The following EYS variants were observed in gnomAD, a reference collection of about 807,000 sequenced individuals.
EYS encodes EGF-like photoreceptor maintenance factor, also known as protein eyes shut homolog.
Under a neutral mutation model 282.1 loss-of-function variants are expected in EYS, and 250 were observed. The observed-to-expected ratio is 0.89, with a 90% CI of 0.80 to 0.98. The LOEUF (loss-of-function observed/expected upper bound fraction) is 0.98. EYS is among the 50% of genes least tolerant of loss of function. The pLI, the probability that EYS is intolerant of heterozygous loss-of-function variation, is 0.00. For missense variants in EYS, 4,016 were observed against 3,709.0 expected (o/e 1.08, Z -2.15); for synonymous variants, 1,355 against 1,282.9 (o/e 1.06, Z -1.20).
At chr6:63,962,957 T>C (rs1027851290) in intron 35 of EYS, among the ~76,000 whole-genome samples, 22 of 152,190 alleles carry the variant, frequency 1.4e-4, no homozygotes, top group African/African-American at 5.3e-4. Flanking sequence ...ATGTCCTTTG[T>C]AGGGACATGG....
At chr6:64,644,735 A>G (rs1378143039) in intron 22 of EYS, among the ~76,000 whole-genome samples, 1 of 152,188 alleles carries the variant, frequency 6.6e-6, no homozygotes, top group Non-Finnish European at 1.5e-5. Flanking sequence ...AATTGATATA[A>G]ATGTATATTT....
At chr6:63,949,395 T>C (rs1006016251) in intron 35 of EYS, among the ~76,000 whole-genome samples, 4 of 152,146 alleles carry the variant, frequency 2.6e-5, no homozygotes, top group African/African-American at 4.8e-5. Context: ...GTACATGCAG[T>C]TCCTCTCTTT....
intron 19 of EYS, among the ~76,000 whole-genome samples, chr6:64,835,982 C>T (rs1446802290): frequency 3.3e-5 from 5 of 151,500 alleles, no homozygotes; most frequent in Non-Finnish European, 3.0e-5. Context: ...TCAAATGCCT[C>T]CCTTTCCTCC....
intron 23 of EYS, among the ~76,000 whole-genome samples, chr6:64,624,897 C>T (rs1767557525): frequency 6.6e-6 from 1 of 152,068 alleles, no homozygotes. Context: ...TCAAGTCCTG[C>T]TATGTTTCCC....
chr6:63,778,275 C>A, intron 39 of EYS, 95 bp from the exon 40 acceptor site: 3 of 1,257,222 alleles, frequency 2.4e-6, no homozygotes, highest in South Asian at 1.3e-5. Flanking sequence ...AGAAGTTTTT[C>A]AAAATAAAGT....
At chr6:64,528,391 G>A (rs892051540) in intron 26 of EYS, among the ~76,000 whole-genome samples, 2 of 151,622 alleles carry the variant, frequency 1.3e-5, no homozygotes, top group African/African-American at 4.8e-5. Flanking sequence ...CAATTCCAGG[G>A]TTCTTCTATT....
Position 64,387,063 on chromosome 6 carries a change from T to A in EYS, c.6078+1627A>T, listed in dbSNP as rs147511338. Among the ~76,000 whole-genome samples, 296 of 152,264 alleles carry A rather than the reference T, an allele frequency of 1.9e-3. 1 individual carries two copies. The highest frequency in any genetic ancestry group is 6.5e-3 in the African/African-American group (272 of 41,570). Reference sequence around the variant, plus strand: ...TTATTCTCTGGCTCCCACTCACCTATCCAAAATCAAGTGTTCTTTCTGCTC... The same window carrying A: ...TTATTCTCTGGCTCCCACTCACCTAACCAAAATCAAGTGTTCTTTCTGCTC... On this transcript the variant is annotated intron_variant, in intron 29 of 42. Coordinates refer to ENST00000503581, the MANE Select transcript of EYS (RefSeq NM_001142800.2).
intron 12 of EYS, among the ~76,000 whole-genome samples, chr6:65,152,790 C>A (rs960475085): frequency 2.6e-5 from 4 of 151,248 alleles, no homozygotes; most frequent in Admixed American, 6.6e-5. Flanking sequence ...ATAGATAAAA[C>A]AATGTAAAAT....
chr6:65,392,917 T>C (rs372650806), intron 7 of EYS, among the ~76,000 whole-genome samples: 12 of 152,094 alleles, frequency 7.9e-5, no homozygotes, highest in Non-Finnish European at 8.8e-5. Flanking sequence ...GACTTGGAAC[T>C]AACCCAAATG....
chr6:64,773,660 T>C (rs1199678363), intron 22 of EYS, among the ~76,000 whole-genome samples: 1 of 151,984 alleles, frequency 6.6e-6, no homozygotes, highest in Non-Finnish European at 1.5e-5. Context: ...TCCTTAATAA[T>C]AGTCTTTCTG....
chr6:65,591,353 T>C (rs1175355573), intron 2 of EYS, among the ~76,000 whole-genome samples: 1 of 150,960 alleles, frequency 6.6e-6, no homozygotes, highest in Non-Finnish European at 1.5e-5. Flanking sequence ...ACTTAATCTG[T>C]GTGTGTGTGT....
chr6:65,419,336 C>T (rs1267898315), intron 5 of EYS, among the ~76,000 whole-genome samples: 1 of 151,664 alleles, frequency 6.6e-6, no homozygotes, highest in African/African-American at 2.4e-5. Context: ...ACTGAAAATA[C>T]AAGAGAATGA....
intron 32 of EYS, among the ~76,000 whole-genome samples, chr6:64,079,333 A>G (rs1412931740): frequency 6.6e-6 from 1 of 152,086 alleles, no homozygotes; most frequent in Non-Finnish European, 1.5e-5. Flanking sequence ...GTTTCTTTCT[A>G]AAATATAACA....
intron 22 of EYS, among the ~76,000 whole-genome samples, chr6:64,668,592 C>T (rs1183810344): frequency 1.4e-5 from 2 of 146,348 alleles, no homozygotes; most frequent in Non-Finnish European, 3.0e-5. Context: ...CTCTGTCGCC[C>T]AGGCTGGAGT....
intron 36 of EYS, among the ~76,000 whole-genome samples, chr6:63,841,506 T>G (rs1771958215): frequency 6.6e-6 from 1 of 152,242 alleles, no homozygotes; most frequent in Non-Finnish European, 1.5e-5. Flanking sequence ...AGATAAACTG[T>G]ATAAAGCACT....
At chr6:64,786,318 A>G (rs1336498590) in intron 22 of EYS, among the ~76,000 whole-genome samples, 1 of 151,970 alleles carries the variant, frequency 6.6e-6, no homozygotes, top group East Asian at 1.9e-4. Context: ...CGAGAGACAG[A>G]ACCCCAAGTG....
intron 18 of EYS, among the ~76,000 whole-genome samples, chr6:64,894,661 T>C (rs1188964192): frequency 6.6e-6 from 1 of 152,122 alleles, no homozygotes; most frequent in Non-Finnish European, 1.5e-5. Flanking sequence ...AGGTATTTTG[T>C]GTATCTTTTT....
At chr6:64,043,197 T>A (rs1770468588) in intron 33 of EYS, among the ~76,000 whole-genome samples, 1 of 152,234 alleles carries the variant, frequency 6.6e-6, no homozygotes, top group Non-Finnish European at 1.5e-5. Flanking sequence ...TAATAATTTG[T>A]CAATTTTATA....
intron 35 of EYS, among the ~76,000 whole-genome samples, chr6:63,896,856 C>A (rs983505638): frequency 3.9e-5 from 6 of 152,048 alleles, no homozygotes; most frequent in Non-Finnish European, 7.4e-5. Flanking sequence ...TATGTATTTA[C>A]GGTTCCTCTA....
Sources: allele counts gnomAD v4.1 joint callset (sites outside exome capture counted in the v4.1 genomes callset), GRCh38; gene constraint gnomAD v4.1.1; transcripts MANE v1.5; gene names NCBI Gene and HGNC (gene_info 2026-07-23, HGNC 2026-07-21).